FAT2: variants seen among roughly 807,000 people sequenced by gnomAD.
The protein encoded by FAT2 is protocadherin Fat 2.
Under a neutral mutation model 295.3 loss-of-function variants are expected in FAT2, and 150 were observed. That is an observed-to-expected ratio of 0.51 (90% confidence interval 0.44 to 0.58). The LOEUF is 0.58. Ranked by LOEUF, FAT2 falls within the 20% of genes least tolerant of loss-of-function variation. The pLI is 0.00. For synonymous variants in FAT2, 2,026 were observed against 2,150.3 expected (o/e 0.94, Z 1.60); for missense variants, 4,868 against 5,442.7 (o/e 0.89, Z 3.32).
chr5:151,528,241 A>G (rs946153055), intron 15 of FAT2, 108 bp from the exon 16 acceptor site: 7 of 1,369,942 alleles, frequency 5.1e-6, no homozygotes, highest in Middle Eastern at 2.2e-4. Context: ...TTGGGCTAGC[A>G]GTGCCTGGAT....
intron 20 of FAT2, among the ~76,000 whole-genome samples, chr5:151,514,744 G>C (rs1018183900): frequency 1.3e-5 from 2 of 152,066 alleles, no homozygotes; most frequent in Non-Finnish European, 2.9e-5. Flanking sequence ...GAAATCATCA[G>C]ATGGGGGAAC....
intron 4 of FAT2, 31 bp downstream of exon 4, chr5:151,556,313 C>A: frequency 1.2e-6 from 2 of 1,601,870 alleles, no homozygotes; most frequent in South Asian, 1.1e-5. Context: ...CTCCACAAAT[C>A]ACCACAAATG....
chr5:151,528,969 T>C (rs1475004866), intron 15 of FAT2, among the ~76,000 whole-genome samples: 1 of 152,186 alleles, frequency 6.6e-6, no homozygotes, highest in Non-Finnish European at 1.5e-5. Context: ...ATCATATGGC[T>C]CTGAGACATT....
At chr5:151,563,946 A>G (rs1758136490) in intron 2 of FAT2, among the ~76,000 whole-genome samples, 1 of 152,218 alleles carries the variant, frequency 6.6e-6, no homozygotes, top group Admixed American at 6.5e-5. Flanking sequence ...TCTCTTGGCT[A>G]CTTAAACCCA....
chr5:151,566,866 A>T lies in FAT2; in HGVS notation c.2066T>A (p.Leu689His). The T allele has an allele frequency of 1.9e-6, 3 of 1,614,206 alleles. No homozygotes were observed. The highest frequency in any genetic ancestry group is 2.5e-6 in the Non-Finnish European group (3 of 1,180,028). The change falls in exon 2 of 24, where the codon CTT (leucine) becomes CAT (histidine). Residue 689 changes from leucine (L) to histidine (H), a missense_variant. By Grantham distance (99) the Leu-to-His change is moderately conservative (BLOSUM62 -3). Transcript: ENST00000261800. ...FTKTILHFIG[L>H]QNQESSDEEF... is the part of the protein sequence containing the mutation. The stretch of plus-strand genomic sequence containing the variant: ...CTCATCACTGGACTCCTGGTTCTGA[A>T]GCCCAATAAAGTGGAGGATAGTCTT...
At chr5:151,572,568 C>A (rs566518269) in intron 1 of FAT2, among the ~76,000 whole-genome samples, 6 of 152,208 alleles carry the variant, frequency 3.9e-5, no homozygotes, top group Non-Finnish European at 1.5e-5. Flanking sequence ...TATTCCTGAA[C>A]CTCAGCTTTT....
intron 20 of FAT2, among the ~76,000 whole-genome samples, chr5:151,514,432 T>C (rs1017880494): frequency 6.6e-6 from 1 of 152,220 alleles, no homozygotes; most frequent in Admixed American, 6.5e-5. Flanking sequence ...GACCTATCTC[T>C]TTCTTACTTC....
chr5:151,566,748 G>T lies in FAT2; in HGVS notation c.2184C>A (p.Val728=), dbSNP rs754292876. The change falls in exon 2 of 24, where the codon GTC becomes GTA. Residue 728 remains valine (V), a synonymous_variant. Coordinates refer to ENST00000261800, the MANE Select transcript of FAT2 (RefSeq NM_001447.3). The part of the protein sequence containing the change: ...FPQSIDVLES[V]PINTPLARLA... ...GGCGGGCCAAGGGGGTGTTGATAGGGACACTCTCAAGGACATCAATGGATT... is the reference window on the plus strand; with the variant it reads ...GGCGGGCCAAGGGGGTGTTGATAGGTACACTCTCAAGGACATCAATGGATT... The T allele has an allele frequency of 6.2e-7, 1 of 1,614,154 alleles. No homozygotes were observed. Among genetic ancestry groups the T allele is most frequent in the East Asian group, 2.2e-5 (1 of 44,882 alleles).
intron 14 of FAT2, among the ~76,000 whole-genome samples, chr5:151,530,573 A>C (rs1191234767): frequency 6.6e-6 from 1 of 152,252 alleles, no homozygotes; most frequent in Non-Finnish European, 1.5e-5. Flanking sequence ...ATATCAACCA[A>C]ATTCAGTATG....
At position 151,567,255 on chromosome 5, in the gene FAT2, G is replaced by A. The variant is rs150630122; in HGVS notation, c.1677C>T (p.Asp559=). The change falls in exon 2 of 24, where the codon GAC becomes GAT. Residue 559 remains aspartate, a synonymous_variant. Coordinates refer to ENST00000261800, the MANE Select transcript of FAT2 (RefSeq NM_001447.3). ...TGACTTCTTCAAACATAGGCTGGTT[G>A]TCATTCAAGTTCCTGAGCTGAAGAA... is the stretch of plus-strand genomic sequence containing the variant. The part of the protein sequence containing the change: ...SIFLQLRNLN[D]NQPMFEEVNC... 22 of 1,614,018 alleles carry A rather than the reference G, an allele frequency of 1.4e-5. No individual in the cohort carries two copies. The highest frequency in any genetic ancestry group is 8.3e-5 in the Admixed American group (5 of 60,002).
In FAT2 at chr5:151,549,280, G is replaced by A. The variant is rs1458223310; in HGVS notation, c.4789+15C>T. 2 of 1,610,968 alleles carry A rather than the reference G, an allele frequency of 1.2e-6. No individual in the cohort carries two copies. Among genetic ancestry groups the A allele is most frequent in the East Asian group, 2.2e-5 (1 of 44,810 alleles). On this transcript the variant is annotated intron_variant, in intron 9 of 23. Coordinates refer to ENST00000261800, the MANE Select transcript of FAT2 (RefSeq NM_001447.3). ...ATCTTGACCCATCCTCTGAGCTCAT[G>A]GCCAGGCCTCTCACCTTTCAGGAGG...
At chr5:151,532,087 C>G (rs1754693321) in intron 13 of FAT2, 117 bp from the exon 14 acceptor site, 1 of 1,376,598 alleles carries the variant, frequency 7.3e-7, no homozygotes, top group African/African-American at 1.4e-5. Flanking sequence ...GGCGGACAAG[C>G]TGGCTTGGGT....
At chr5:151,593,308 G>GGGGGCCCTTGCT (rs142387890), upstream of FAT2, among the ~76,000 whole-genome samples, 3 of 152,136 alleles carry the variant, frequency 2.0e-5, no homozygotes, top group African/African-American at 7.3e-5. Flanking sequence ...GTCTTCCCTC[G>GGGGGCCCTTGCT]GGGGCCAAGG....
At chr5:151,553,660 G>A (rs1757427733) in intron 5 of FAT2, among the ~76,000 whole-genome samples, 1 of 152,208 alleles carries the variant, frequency 6.6e-6, no homozygotes, top group Non-Finnish European at 1.5e-5. Flanking sequence ...AAGACTTACT[G>A]TGTGCTACTT....
In FAT2 at chr5:151,581,367, C is replaced by T. The variant is rs115031217; in HGVS notation, c.-21+9798G>A. 6.3e-3 allele frequency among the ~76,000 whole-genome samples: 965 copies of T among 152,224 alleles called. 13 individuals carry two copies. The highest frequency in any genetic ancestry group is 0.022 in the African/African-American group (910 of 41,532). On this transcript the variant is annotated intron_variant, in intron 1 of 23. Coordinates refer to ENST00000261800, the MANE Select transcript of FAT2 (RefSeq NM_001447.3). ...AGCCCCTACTCCTTTGGTATTATAT[C>T]GGAGGGCCAAGCAGGGGGCCCAGGG... is the stretch of plus-strand genomic sequence containing the variant.
In FAT2 at chr5:151,568,716, C is replaced by T; in HGVS notation, c.216G>A (p.Arg72=). Residue 72 remains arginine (R), a synonymous_variant, in exon 2 of 24, where the codon CGG becomes CGA. Transcript: ENST00000261800. Reference sequence around the variant, plus strand: ...CATTGGCCACATCCCCAGAGATGATCCGGTACCTCACTGCCCACTGTGGCT... The same window carrying T: ...CATTGGCCACATCCCCAGAGATGATTCGGTACCTCACTGCCCACTGTGGCT... ...LAEPQWAVRY[R]IISGDVANVF... 1 of 1,614,184 alleles carries T rather than the reference C, an allele frequency of 6.2e-7. No individual in the cohort carries two copies.
rs537555561 is a variant in FAT2, at chr5:151,565,006, C to A, written c.3259+667G>T. Among the ~76,000 whole-genome samples, 131 of 151,958 alleles carry A rather than the reference C, an allele frequency of 8.6e-4. 4 individuals are homozygous for A. Among genetic ancestry groups the A allele is most frequent in the Non-Finnish European group, 2.2e-4 (15 of 68,004 alleles). On this transcript the variant is annotated intron_variant, in intron 2 of 23. Coordinates refer to ENST00000261800, the MANE Select transcript of FAT2 (RefSeq NM_001447.3). ...AGGAGAATCGCTTGAACTCGGGGGA[C>A]GGAGGTTGCAATGAGCCGAGATCGA...
At position 151,507,228 on chromosome 5, in the gene FAT2, A is replaced by G; in HGVS notation, c.12443T>C (p.Leu4148Pro). ...RPVVCSVPPR[L>P]PPAAVPSHSD... ...GTGGGAAGGGACCGCAGCTGGCGGG[A>G]GTCTGGGGGGCACACTGCAGACCAC... The change falls in exon 23 of 24, where the codon CTC becomes CCC. Residue 4148 changes from leucine (L) to proline (P), a missense_variant. Transcript: ENST00000261800. 6.2e-7 allele frequency: 1 copy of G among 1,613,624 alleles called. No homozygotes were observed. The highest frequency in any genetic ancestry group is 8.5e-7 in the Non-Finnish European group (1 of 1,179,640).
In FAT2 at chr5:151,551,367, G is replaced by C. The variant is rs151165084; in HGVS notation, c.4296+100C>G. On this transcript the variant is annotated intron_variant, in intron 7 of 23. Coordinates refer to ENST00000261800, the MANE Select transcript of FAT2 (RefSeq NM_001447.3). ...TTTGATTCTAAATTCAGTGTTCCTT[G>C]AGGAACACCACATCCACAGAAAACC... 159 of 1,243,622 alleles carry C rather than the reference G, an allele frequency of 1.3e-4. 1 individual carries two copies. The South Asian group carries it at 2.2e-3, about 17-fold the overall frequency. The allele number at this position is 1,243,622 out of a possible 1,614,324, so 77.0% of individuals were successfully genotyped here. A position where few individuals can be genotyped will look rare whatever the true frequency, so the allele number is the denominator to read the frequency against.
Sources: gnomAD v4.1 joint callset for allele counts (sites outside exome capture counted in the v4.1 genomes callset) on GRCh38, gnomAD v4.1.1 for gene constraint, MANE v1.5 for transcripts, NCBI Gene and HGNC (gene_info 2026-07-23, HGNC 2026-07-21) for gene names.